KCNK10: variants seen among roughly 807,000 people sequenced by gnomAD.
KCNK10 encodes the protein potassium channel subfamily K member 10.
A neutral mutation model predicts 47.7 loss-of-function variants in KCNK10; 25 were observed. The ratio of observed to expected loss-of-function variants is 0.52; its 90% confidence interval spans 0.38 to 0.73. KCNK10 has a LOEUF of 0.73. KCNK10 is among the 30% of genes least tolerant of loss of function. The probability of loss-of-function intolerance (pLI) is 0.00; values close to 1 mark genes in which losing one functional copy is unlikely to be tolerated. For synonymous variants in KCNK10, 303 were observed against 285.6 expected, an observed-to-expected ratio of 1.06 and a Z score of -0.61; for missense variants, 563 against 714.5, an observed-to-expected ratio of 0.79 and a Z score of 2.42.
intron 1 of KCNK10, among the ~76,000 whole-genome samples, chr14:88,305,089 C>A (rs2139793769): frequency 6.6e-6 from 1 of 152,158 alleles, no homozygotes; most frequent in African/African-American, 2.4e-5. Flanking sequence ...GTCCCAGCTA[C>A]TCGGTAGGCT....
chr14:88,226,931 G>C (rs1886005594), intron 4 of KCNK10, among the ~76,000 whole-genome samples: 1 of 152,196 alleles, frequency 6.6e-6, no homozygotes. Context: ...GCAGTGTCTG[G>C]AGAAGTCAGG....
At chr14:88,188,177 A>C in intron 5 of KCNK10, 68 bp from the exon 6 acceptor site, 1 of 1,532,748 alleles carries the variant, frequency 6.5e-7, no homozygotes, top group Non-Finnish European at 9.0e-7. Context: ...CACATATTCC[A>C]TTCCATGTAG....
intron 1 of KCNK10, among the ~76,000 whole-genome samples, chr14:88,317,190 C>G (rs1311909539): frequency 6.6e-6 from 1 of 152,188 alleles, no homozygotes; most frequent in Non-Finnish European, 1.5e-5. Context: ...CCATTTGGAA[C>G]ACTGATCTCC....
rs540644141 is a variant in KCNK10 at position 88,260,938 on chromosome 14, G to A, written c.402+2264C>T. On this transcript the variant is annotated intron_variant, in intron 2 of 6. Transcript: ENST00000319231. The surrounding 1 kb of genome is among the most constrained non-coding windows in gnomAD (Gnocchi z 4.5). ...GCAGCATCAGAATAAGGACCTCCAC[G>A]CTCTCTGACCCTGTCCTTCATTCAG... 7.2e-5 allele frequency among the ~76,000 whole-genome samples: 11 copies of A among 152,236 alleles called. No individual in the cohort carries two copies. In the East Asian group the frequency reaches 1.3e-3, roughly 19 times the overall value.
Position 88,322,703 on chromosome 14 carries a change from A to C in KCNK10, c.52+44T>G. 1 of 1,613,128 alleles carries C rather than the reference A, an allele frequency of 6.2e-7. No homozygotes were observed. The highest frequency in any genetic ancestry group is 8.5e-7 in the Non-Finnish European group (1 of 1,179,142). ...ACTCAAGGAAGCGCGCACACGCCGG[A>C]GACAGAGGCAGGGCGAGGGCAGCCA... On this transcript the variant is annotated intron_variant, in intron 1 of 6. Coordinates refer to ENST00000319231, the MANE Select transcript of KCNK10 (RefSeq NM_138317.3). This position sits in a 1 kb window ranked among gnomAD's most constrained non-coding sequence, Gnocchi z 4.8.
intron 1 of KCNK10, among the ~76,000 whole-genome samples, chr14:88,273,610 C>G (rs1887459478): frequency 6.6e-6 from 1 of 152,154 alleles, no homozygotes; most frequent in Non-Finnish European, 1.5e-5. Flanking sequence ...CCAGGCATAT[C>G]CGACTGGACC....
At chr14:88,211,017 T>C (rs1296834058) in intron 4 of KCNK10, among the ~76,000 whole-genome samples, 3 of 152,054 alleles carry the variant, frequency 2.0e-5, no homozygotes, top group African/African-American at 7.2e-5. Flanking sequence ...ATGTCCAAAA[T>C]AATTAAAAAC....
intron 1 of KCNK10, among the ~76,000 whole-genome samples, chr14:88,296,221 G>A (rs1043852723): frequency 6.6e-6 from 1 of 152,200 alleles, no homozygotes. Flanking sequence ...ATGGCACACT[G>A]GAAGTGGAGC....
chr14:88,280,418 T>A (rs984752002), intron 1 of KCNK10, among the ~76,000 whole-genome samples: 1 of 152,086 alleles, frequency 6.6e-6, no homozygotes, highest in East Asian at 1.9e-4. Context: ...TTGTTCTATA[T>A]CCTCTCCCTG....
intron 1 of KCNK10, among the ~76,000 whole-genome samples, chr14:88,318,651 G>C (rs1774499683): frequency 6.6e-6 from 1 of 152,176 alleles, no homozygotes; most frequent in African/African-American, 2.4e-5. Context: ...ACAGATGCAA[G>C]TGTGATCTAT....
At chr14:88,201,755 T>C (rs1381056176) in intron 4 of KCNK10, among the ~76,000 whole-genome samples, 1 of 152,238 alleles carries the variant, frequency 6.6e-6, no homozygotes, top group Non-Finnish European at 1.5e-5. Flanking sequence ...GTACATTTTT[T>C]CCTCTTAAAA....
intron 2 of KCNK10, among the ~76,000 whole-genome samples, chr14:88,256,936 G>A (rs930454262): frequency 6.6e-6 from 1 of 152,084 alleles, no homozygotes; most frequent in African/African-American, 2.4e-5. Flanking sequence ...CAGTGAGGCC[G>A]GGGCAACATG....
At chr14:88,287,304 GA>G (rs1242130921) in intron 1 of KCNK10, among the ~76,000 whole-genome samples, 2 of 152,186 alleles carry the variant, frequency 1.3e-5, no homozygotes, top group African/African-American at 4.8e-5. Context: ...TCATCAATTA[GA>G]TTGCCACAAG....
intron 2 of KCNK10, among the ~76,000 whole-genome samples, chr14:88,243,022 C>T (rs933379746): frequency 6.6e-6 from 1 of 152,140 alleles, no homozygotes; most frequent in Non-Finnish European, 1.5e-5. Context: ...GCACTGCAAA[C>T]AAAAACACAG....
Position 88,185,839 on chromosome 14 carries a change from G to A in KCNK10, c.1328C>T (p.Ala443Val), listed in dbSNP as rs61738734. 5.5e-4 allele frequency: 889 copies of A among 1,614,116 alleles called. 10 individuals carry two copies. In the African/African-American group the frequency reaches 9.8e-3, roughly 18 times the overall value. ...PEQLNKHGQG[A>V]SEDNIINKFG... is the part of the protein sequence containing the mutation. Reference sequence around the variant, plus strand: ...CTTGTTGATGATGTTGTCCTCGGACGCACCCTGCCCATGCTTGTTCAGCTG... The same window carrying A: ...CTTGTTGATGATGTTGTCCTCGGACACACCCTGCCCATGCTTGTTCAGCTG... Residue 443 changes from alanine (A) to valine (V), a missense_variant, in exon 7 of 7, where the codon GCG becomes GTG. Coordinates refer to ENST00000319231, the MANE Select transcript of KCNK10 (RefSeq NM_138317.3). This position sits in a 1 kb window ranked among gnomAD's most constrained non-coding sequence, Gnocchi z 4.3.
Position 88,185,311 on chromosome 14 carries a change from A to G in KCNK10, c.*224T>C, listed in dbSNP as rs1461912905. On this transcript the variant is annotated 3_prime_UTR_variant, in exon 7 of 7. Coordinates refer to ENST00000319231, the MANE Select transcript of KCNK10 (RefSeq NM_138317.3). The surrounding 1 kb of genome is among the most constrained non-coding windows in gnomAD (Gnocchi z 4.3). ...GCCAGAACCGGCTACGTGCACGGAC[A>G]CTCTTGGTGTGTCCTGCGTTTGCTA... 6.7e-6 allele frequency: 4 copies of G among 598,154 alleles called. No individual in the cohort carries two copies. The highest frequency in any genetic ancestry group is 3.4e-5 in the Admixed American group (1 of 29,012). The allele number at this position is 598,154 out of a possible 1,614,324, so 37.1% of individuals were successfully genotyped here.
At chr14:88,298,616 C>T (rs1204684882) in intron 1 of KCNK10, among the ~76,000 whole-genome samples, 1 of 152,186 alleles carries the variant, frequency 6.6e-6, no homozygotes, top group Non-Finnish European at 1.5e-5. Context: ...TCCAGTGCCC[C>T]CCTAGCCCAG....
In KCNK10 at chr14:88,274,397, A is replaced by T. The variant is rs185690742; in HGVS notation, c.53-10846T>A. ...GCCAACATGCCAAAACCCTGTCTCT[A>T]CTAAAAATACAAAAATTAGCCAGGC... On this transcript the variant is annotated intron_variant, in intron 1 of 6. Transcript: ENST00000319231. Among the ~76,000 whole-genome samples the T allele has an allele frequency of 1.2e-3, 176 of 151,864 alleles. 2 individuals carry two copies. The highest frequency in any genetic ancestry group is 4.1e-3 in the African/African-American group (171 of 41,394).
chr14:88,267,395 G>C (rs1259282958), intron 1 of KCNK10, among the ~76,000 whole-genome samples: 11 of 151,100 alleles, frequency 7.3e-5, no homozygotes, highest in Non-Finnish European at 1.5e-5. Context: ...TTTTGAGACG[G>C]AGTCTTGCTC....
Sources: gnomAD v4.1 joint callset for allele counts (sites outside exome capture counted in the v4.1 genomes callset) on GRCh38, gnomAD v4.1.1 for gene constraint, Gnocchi (gnomAD v3.1) non-coding constraint, MANE v1.5 for transcripts, NCBI Gene and HGNC (gene_info 2026-07-23, HGNC 2026-07-21) for gene names.